The following GNA12 variants were observed in gnomAD, a reference collection of about 807,000 sequenced individuals.
The protein encoded by GNA12 is guanine nucleotide-binding protein subunit alpha-12.
A neutral mutation model predicts 26.0 loss-of-function variants in GNA12; 9 were observed. The observed-to-expected ratio is 0.35, with a 90% CI of 0.21 to 0.60. GNA12 has a LOEUF of 0.60. Among genes scored for constraint, GNA12 ranks in the 20% least tolerant of loss-of-function variants. The pLI is 0.78. For missense variants in GNA12, 405 were observed against 525.8 expected, an observed-to-expected ratio of 0.77 and a Z score of 2.25; for synonymous variants, 264 against 219.6, an observed-to-expected ratio of 1.20 and a Z score of -1.79.
chr7:2,829,920 A>G (rs1793564530), intron 1 of GNA12, among the ~76,000 whole-genome samples: 1 of 152,184 alleles, frequency 6.6e-6, no homozygotes, highest in South Asian at 2.1e-4. Context: ...GGAAAGGGAG[A>G]TGATGAGAGC....
chr7:2,736,790 C>T (rs1225618318), intron 2 of GNA12, among the ~76,000 whole-genome samples: 3 of 152,382 alleles, frequency 2.0e-5, no homozygotes, highest in East Asian at 3.9e-4. Context: ...CAGGCAGGCA[C>T]TGCAGCAGCC....
intron 2 of GNA12, among the ~76,000 whole-genome samples, chr7:2,756,116 A>G (rs147389646): frequency 6.6e-6 from 1 of 152,366 alleles, no homozygotes; most frequent in East Asian, 1.9e-4. Context: ...GATCAACCGA[A>G]TAGAAATGAG....
At chr7:2,832,552 C>T (rs1275666251) in intron 1 of GNA12, among the ~76,000 whole-genome samples, 4 of 152,150 alleles carry the variant, frequency 2.6e-5, no homozygotes, top group Admixed American at 6.5e-5. Context: ...CAGTGTTCCT[C>T]GGGCTTAGTT....
intron 2 of GNA12, among the ~76,000 whole-genome samples, chr7:2,790,468 T>C (rs974595216): frequency 1.3e-5 from 2 of 152,220 alleles, no homozygotes; most frequent in Non-Finnish European, 2.9e-5. Flanking sequence ...CATGTCTGTC[T>C]GTCCTACCGG....
chr7:2,828,001 G>A (rs1378077138), intron 1 of GNA12, among the ~76,000 whole-genome samples: 3 of 152,072 alleles, frequency 2.0e-5, no homozygotes, highest in Admixed American at 2.0e-4. Flanking sequence ...CAGATAACAG[G>A]AAAGAACTCA....
At chr7:2,734,399 A>G (rs996102937) in intron 2 of GNA12, among the ~76,000 whole-genome samples, 1 of 152,244 alleles carries the variant, frequency 6.6e-6, no homozygotes, top group Admixed American at 6.5e-5. Context: ...CAAGGCTTCC[A>G]GGCTGCCCTG....
chr7:2,811,633 A>G (rs1793083975), intron 1 of GNA12, among the ~76,000 whole-genome samples: 7 of 152,202 alleles, frequency 4.6e-5, no homozygotes, highest in Admixed American at 4.6e-4. Context: ...TAAGGTTGTA[A>G]AGAACGATTG....
At position 2,732,000 on chromosome 7, in the gene GNA12, G is replaced by T. The variant is rs1487122171; in HGVS notation, c.577-250C>A. On this transcript the variant is annotated intron_variant, in intron 3 of 3. Coordinates refer to ENST00000275364, the MANE Select transcript of GNA12 (RefSeq NM_007353.3). This position sits in a 1 kb window ranked among gnomAD's most constrained non-coding sequence, Gnocchi z 6.0. Reference sequence around the variant, plus strand: ...CGAATGCTCAGAACACTCGTGGGCAGGCCCAGCGCAAAACCACATCCATTT... The same window carrying T: ...CGAATGCTCAGAACACTCGTGGGCATGCCCAGCGCAAAACCACATCCATTT... Among the ~76,000 whole-genome samples the T allele has an allele frequency of 6.6e-6, 1 of 152,180 alleles. No individual in the cohort carries two copies. Among genetic ancestry groups the T allele is most frequent in the Non-Finnish European group, 1.5e-5 (1 of 68,032 alleles).
At chr7:2,828,498 C>T (rs1793532793) in intron 1 of GNA12, among the ~76,000 whole-genome samples, 1 of 152,200 alleles carries the variant, frequency 6.6e-6, no homozygotes, top group Non-Finnish European at 1.5e-5. Context: ...GGATTACAGG[C>T]ATGAGCCTCC....
chr7:2,741,395 G>C (rs1346592905), intron 2 of GNA12, among the ~76,000 whole-genome samples: 1 of 152,106 alleles, frequency 6.6e-6, no homozygotes, highest in Non-Finnish European at 1.5e-5. Context: ...GGCTAGGGGT[G>C]GGGAGAGCTC....
At chr7:2,745,751 C>G (rs2115344633) in intron 2 of GNA12, among the ~76,000 whole-genome samples, 2 of 152,296 alleles carry the variant, frequency 1.3e-5, no homozygotes, top group Middle Eastern at 6.8e-3. Context: ...CAAGACCCAT[C>G]AGTGTGCTGT....
chr7:2,736,214 TAA>T (rs919913646), intron 2 of GNA12, among the ~76,000 whole-genome samples: 2 of 152,160 alleles, frequency 1.3e-5, no homozygotes, highest in African/African-American at 4.8e-5. Context: ...GGTGGGTTTA[TAA>T]AGAGGCACTG....
At chr7:2,777,828 C>G (rs1422521255) in intron 2 of GNA12, among the ~76,000 whole-genome samples, 1 of 152,226 alleles carries the variant, frequency 6.6e-6, no homozygotes, top group Non-Finnish European at 1.5e-5. Flanking sequence ...CCTGGGGAAT[C>G]TGCCCACTCA....
At chr7:2,739,673 G>A (rs1790400755) in intron 2 of GNA12, among the ~76,000 whole-genome samples, 3 of 151,986 alleles carry the variant, frequency 2.0e-5, no homozygotes, top group Admixed American at 6.6e-5. Context: ...AGCATCCTAT[G>A]GTAGTTCTTT....
chr7:2,774,063 C>T (rs577213575), intron 2 of GNA12, among the ~76,000 whole-genome samples: 2 of 152,162 alleles, frequency 1.3e-5, no homozygotes, highest in Non-Finnish European at 2.9e-5. Context: ...AATACCCATT[C>T]TACAGAACAG....
intron 2 of GNA12, among the ~76,000 whole-genome samples, chr7:2,785,534 A>G (rs1338039443): frequency 6.6e-6 from 1 of 152,264 alleles, no homozygotes; most frequent in Non-Finnish European, 1.5e-5. Context: ...TGATGGTTTA[A>G]TATCTGAAAT....
chr7:2,835,642 A>T lies in GNA12; in HGVS notation c.309+8211T>A, dbSNP rs574686044. ...CGAGATGGTGGCCACCATGAAGAAG[A>T]CGGCTGCAGAAGATGTCAATGTTAC... is the stretch of plus-strand genomic sequence containing the variant. On this transcript the variant is annotated intron_variant, in intron 1 of 3. Transcript: ENST00000275364. The T allele has an allele frequency of 5.8e-6, 5 of 857,916 alleles. No homozygotes were observed. In the South Asian group the frequency reaches 6.9e-5, roughly 12 times the overall value. 53.1% of individuals were successfully genotyped at this position (857,916 alleles called of 1,614,324 possible).
intron 1 of GNA12, among the ~76,000 whole-genome samples, chr7:2,828,543 C>A (rs144205993): frequency 4.5e-4 from 68 of 152,208 alleles, no homozygotes; most frequent in African/African-American, 1.6e-3. Context: ...GTACCAGGGA[C>A]GCAGCTGGGG....
At chr7:2,797,677 C>G (rs933385111) in intron 1 of GNA12, among the ~76,000 whole-genome samples, 2 of 152,148 alleles carry the variant, frequency 1.3e-5, no homozygotes, top group African/African-American at 4.8e-5. Context: ...ACCACTGAGT[C>G]AGACGTAATG....
Sources: allele counts gnomAD v4.1 joint callset (sites outside exome capture counted in the v4.1 genomes callset), GRCh38; gene constraint gnomAD v4.1.1; non-coding constraint Gnocchi (gnomAD v3.1); transcripts MANE v1.5; gene names NCBI Gene and HGNC (gene_info 2026-07-23, HGNC 2026-07-21).